The following RAB31 variants were observed in gnomAD, a reference collection of about 807,000 sequenced individuals.
RAB31 encodes the protein ras-related protein Rab-31.
In RAB31, 21 loss-of-function variants were observed where a neutral mutation model predicts 25.6. That is an observed-to-expected ratio of 0.82 (90% CI 0.58 to 1.18). The LOEUF (loss-of-function observed/expected upper bound fraction) is 1.18, where lower values mean the gene tolerates loss of function less well. Ranked by LOEUF, RAB31 falls within the 50% of genes most tolerant of loss-of-function variation. The pLI, the probability that RAB31 is intolerant of heterozygous loss-of-function variation, is 0.00. For synonymous variants in RAB31, 87 were observed against 84.0 expected (o/e 1.04, Z -0.20); for missense variants, 196 against 250.1 (o/e 0.78, Z 1.46).
At chr18:9,793,537 C>T (rs1293316035) in intron 3 of RAB31, among the ~76,000 whole-genome samples, 1 of 152,016 alleles carries the variant, frequency 6.6e-6, no homozygotes, top group Non-Finnish European at 1.5e-5. Context: ...TGGTGGGCAT[C>T]TGTAGTCCCA....
chr18:9,717,888 A>T (rs2068052703), intron 1 of RAB31, among the ~76,000 whole-genome samples: 1 of 152,108 alleles, frequency 6.6e-6, no homozygotes, highest in South Asian at 2.1e-4. Context: ...AGTTTTATTT[A>T]TTTACTTTTT....
chr18:9,772,220 A>T (rs1324021321), intron 1 of RAB31, among the ~76,000 whole-genome samples: 1 of 152,122 alleles, frequency 6.6e-6, no homozygotes, highest in South Asian at 2.1e-4. Flanking sequence ...CAGCGCCCCC[A>T]CCGAGAAGAT....
chr18:9,769,070 C>T (rs1471864763), intron 1 of RAB31, among the ~76,000 whole-genome samples: 1 of 152,118 alleles, frequency 6.6e-6, no homozygotes, highest in African/African-American at 2.4e-5. Context: ...GTTTTCATAC[C>T]AGTACCATGC....
intron 1 of RAB31, among the ~76,000 whole-genome samples, chr18:9,731,493 C>A (rs1375168290): frequency 1.3e-5 from 2 of 152,026 alleles, no homozygotes; most frequent in East Asian, 3.8e-4. Context: ...ATGAGGGTAA[C>A]CAGTGATTCA....
rs140130094 is a variant in RAB31 at position 9,730,994 on chromosome 18, T to C, written c.39+22550T>C. ...ACTCTTGAGTTTTGAGAGTTCCATG[T>C]GAGCCTCACTACATGCTAAGTCAGA... On this transcript the variant is annotated intron_variant, in intron 1 of 6. Coordinates refer to ENST00000578921, the MANE Select transcript of RAB31 (RefSeq NM_006868.4). 1.0e-3 allele frequency among the ~76,000 whole-genome samples: 154 copies of C among 152,376 alleles called. 1 individual carries two copies. Among genetic ancestry groups the C allele is most frequent in the African/African-American group, 3.6e-3 (151 of 41,596 alleles).
chr18:9,751,305 T>G (rs1383310659), intron 1 of RAB31, among the ~76,000 whole-genome samples: 1 of 152,222 alleles, frequency 6.6e-6, no homozygotes, highest in Non-Finnish European at 1.5e-5. Flanking sequence ...CCCTGCAAGT[T>G]CATTTTTCTT....
chr18:9,791,599 A>T (rs1448411192), intron 2 of RAB31, among the ~76,000 whole-genome samples: 1 of 150,894 alleles, frequency 6.6e-6, no homozygotes, highest in African/African-American at 2.4e-5. Flanking sequence ...TTATTATCAT[A>T]TACATATTTT....
chr18:9,719,566 ACACT>A (rs1480456542), intron 1 of RAB31, among the ~76,000 whole-genome samples: 2 of 151,364 alleles, frequency 1.3e-5, no homozygotes, highest in Non-Finnish European at 2.9e-5. Flanking sequence ...CTTTTCTGTA[ACACT>A]CACCTCCTCA....
chr18:9,752,709 C>G (rs1455102892), intron 1 of RAB31, among the ~76,000 whole-genome samples: 1 of 152,150 alleles, frequency 6.6e-6, no homozygotes, highest in South Asian at 2.1e-4. Context: ...TTCTATGATA[C>G]TTTAGTATAG....
At chr18:9,726,874 C>T (rs946991826) in intron 1 of RAB31, among the ~76,000 whole-genome samples, 5 of 152,060 alleles carry the variant, frequency 3.3e-5, no homozygotes, top group African/African-American at 1.2e-4. Flanking sequence ...AATAATGTTA[C>T]CAGCTGTCCA....
rs1219996855 is a variant in RAB31 at position 9,747,578 on chromosome 18, A to G, written c.40-27700A>G. Among the ~76,000 whole-genome samples, 7 of 152,354 alleles carry G rather than the reference A, an allele frequency of 4.6e-5. No homozygotes were observed. The East Asian group carries it at 1.2e-3, about 25-fold the overall frequency. ...GGTACAATGTGGATGAACCTTGAAA[A>G]CATTATACTAAATGAGAGAAACCAG... On this transcript the variant is annotated intron_variant, in intron 1 of 6. Coordinates refer to ENST00000578921, the MANE Select transcript of RAB31 (RefSeq NM_006868.4).
At chr18:9,820,458 T>C (rs187381173) in intron 5 of RAB31, among the ~76,000 whole-genome samples, 3 of 152,044 alleles carry the variant, frequency 2.0e-5, no homozygotes, top group Non-Finnish European at 4.4e-5. Flanking sequence ...TAGTCTGTAG[T>C]TTCCATTTCT....
At chr18:9,839,985 G>C (rs73387457) in intron 5 of RAB31, among the ~76,000 whole-genome samples, 95 of 152,332 alleles carry the variant, frequency 6.2e-4, no homozygotes, top group African/African-American at 2.2e-3. Context: ...GCTGGGTTCT[G>C]AATTCCACCC....
chr18:9,760,472 C>G (rs2068282486), intron 1 of RAB31, among the ~76,000 whole-genome samples: 1 of 152,160 alleles, frequency 6.6e-6, no homozygotes, highest in African/African-American at 2.4e-5. Flanking sequence ...CCATGCTGGG[C>G]CATCAGCTGT....
At position 9,791,513 on chromosome 18, in the gene RAB31, G is replaced by A. The variant is rs4798855; in HGVS notation, c.120-641G>A. ...CCCGGGTTCAAGTGATTCTCCTGCC[G>A]CAGCCTCCCAAGTAGCTGGGACTAC... On this transcript the variant is annotated intron_variant, in intron 2 of 6. Transcript: ENST00000578921. 8.0e-5 allele frequency among the ~76,000 whole-genome samples: 12 copies of A among 149,318 alleles called. No individual in the cohort carries two copies. In the South Asian group the frequency reaches 8.5e-4, roughly 11 times the overall value.
At chr18:9,734,595 G>A (rs1470942254) in intron 1 of RAB31, among the ~76,000 whole-genome samples, 2 of 152,142 alleles carry the variant, frequency 1.3e-5, no homozygotes, top group Non-Finnish European at 2.9e-5. Flanking sequence ...AGAAAGGAGA[G>A]GCAGGCAGGG....
At chr18:9,856,594 T>C (rs913317376) in intron 6 of RAB31, among the ~76,000 whole-genome samples, 1 of 152,236 alleles carries the variant, frequency 6.6e-6, no homozygotes, top group Non-Finnish European at 1.5e-5. Context: ...GCACAAAGTT[T>C]TGATGTTAAC....
At chr18:9,792,627 C>G (rs3786427) in intron 3 of RAB31, among the ~76,000 whole-genome samples, 116,326 of 152,150 alleles carry the variant, frequency 0.76, 48,401 homozygotes, top group East Asian at 0.95. Flanking sequence ...CAACTACTGG[C>G]TGAGCATGCA....
intron 4 of RAB31, 129 bp from the exon 5 acceptor site, chr18:9,814,987 G>A: frequency 1.6e-6 from 1 of 617,008 alleles, no homozygotes; most frequent in East Asian, 2.9e-5. Context: ...GACAGAGGTA[G>A]TATGTTAATC....
Sources: allele counts gnomAD v4.1 joint callset (sites outside exome capture counted in the v4.1 genomes callset), GRCh38; gene constraint gnomAD v4.1.1; transcripts MANE v1.5; gene names NCBI Gene and HGNC (gene_info 2026-07-23, HGNC 2026-07-21).